SELENOK: variants seen among roughly 807,000 people sequenced by gnomAD.
The protein encoded by SELENOK is selenoprotein K.
A neutral mutation model predicts 17.3 loss-of-function variants in SELENOK; 11 were observed. The observed-to-expected ratio is 0.63, with a 90% CI of 0.40 to 1.05. SELENOK has a LOEUF of 1.05. SELENOK is among the 50% of genes least tolerant of loss of function. SELENOK has a pLI of 0.00. For missense variants in SELENOK, 125 were observed against 113.9 expected, an observed-to-expected ratio of 1.10 and a Z score of -0.44; for synonymous variants, 45 against 35.4, an observed-to-expected ratio of 1.27 and a Z score of -0.97.
rs1395557101 is a variant in SELENOK at position 53,888,386 on chromosome 3, T to C, written c.110+7A>G. On this transcript the variant is annotated splice_region_variant and intron_variant, in intron 2 of 4. Coordinates refer to ENST00000495461, the MANE Select transcript of SELENOK (RefSeq NM_021237.5). Reference sequence around the variant, plus strand: ...ATCAGGGCAATTAAGAGCTCTTCTATACTTACAACAAAACCACAAACTCAG... The same window carrying C: ...ATCAGGGCAATTAAGAGCTCTTCTACACTTACAACAAAACCACAAACTCAG... 1 of 1,588,978 alleles carries C rather than the reference T, an allele frequency of 6.3e-7. No homozygotes were observed. Among genetic ancestry groups the C allele is most frequent in the East Asian group, 2.2e-5 (1 of 44,734 alleles).
At chr3:53,891,516 G>A (rs1025111980) in intron 1 of SELENOK, among the ~76,000 whole-genome samples, 1 of 152,166 alleles carries the variant, frequency 6.6e-6, no homozygotes, top group African/African-American at 2.4e-5. Context: ...AGCGCTTGCT[G>A]CACGAAGGCG....
chr3:53,891,646 G>A, intron 1 of SELENOK, 124 bp downstream of exon 1: 1 of 1,325,950 alleles, frequency 7.5e-7, no homozygotes, highest in Non-Finnish European at 1.1e-6. Flanking sequence ...AGCTCCGCCC[G>A]GCCGCGGGGC....
intron 4 of SELENOK, 66 bp downstream of exon 4, chr3:53,885,760 G>C (rs1347836586): frequency 7.4e-7 from 1 of 1,357,790 alleles, no homozygotes; most frequent in Non-Finnish European, 1.0e-6. Context: ...ACTTCTTAAA[G>C]AAAACATTAC....
At chr3:53,889,897 T>C (rs1700155495) in intron 1 of SELENOK, among the ~76,000 whole-genome samples, 1 of 152,226 alleles carries the variant, frequency 6.6e-6, no homozygotes, top group Admixed American at 6.5e-5. Context: ...TAAGCAAAAC[T>C]GGATCTATTT....
At chr3:53,888,189 A>G (rs1034635615) in intron 2 of SELENOK, 32 of 452,508 alleles carry the variant, frequency 7.1e-5, no homozygotes, top group African/African-American at 5.1e-4. Context: ...TACCAATCCA[A>G]CTAACATATA....
At position 53,884,422 on chromosome 3, in the gene SELENOK, G is replaced by A. The variant is rs1030420851; in HGVS notation, c.*1136C>T. 14 of 152,188 alleles carry A rather than the reference G, an allele frequency of 9.2e-5. No homozygotes were observed. The highest frequency in any genetic ancestry group is 1.8e-4 in the Non-Finnish European group (12 of 67,986). 9.4% of individuals were successfully genotyped at this position (152,188 alleles called of 1,614,324 possible). The stretch of plus-strand genomic sequence containing the variant: ...ACCAGAAGAGGAATTATCTGTTTTC[G>A]TTTTTCCAATAAATATTTATTTCCA... On this transcript the variant is annotated 3_prime_UTR_variant, in exon 5 of 5. Coordinates refer to ENST00000495461, the MANE Select transcript of SELENOK (RefSeq NM_021237.5).
In SELENOK at chr3:53,891,795, C is replaced by T; in HGVS notation, c.-7G>A. 6.2e-7 allele frequency: 1 copy of T among 1,613,988 alleles called. No individual in the cohort carries two copies. The highest frequency in any genetic ancestry group is 8.5e-7 in the Non-Finnish European group (1 of 1,179,834). The stretch of plus-strand genomic sequence containing the variant: ...CGTTCGAGATGTAAACCATCTTGTC[C>T]CACTTCCCCGCTTCGGAGCCACCGG... On this transcript the variant is annotated 5_prime_UTR_variant, in exon 1 of 5. Transcript: ENST00000495461.
rs760313928 is a variant in SELENOK, at chr3:53,885,883, C to T, written c.224G>A (p.Gly75Asp). 10 of 1,558,994 alleles carry T rather than the reference C, an allele frequency of 6.4e-6. No individual in the cohort carries two copies. Among genetic ancestry groups the T allele is most frequent in the Non-Finnish European group, 8.6e-6 (10 of 1,157,784 alleles). The change falls in exon 4 of 5, where the codon GGT (glycine) becomes GAT (aspartate). Residue 75 changes from glycine (G) to aspartate (D), a missense_variant. Physicochemically the swap from Gly to Asp is moderately conservative, Grantham distance 94 (BLOSUM62 -1). Transcript: ENST00000495461. ...AGGGCCACGCAGATGATTGATTCTA[C>T]CCATTCTTCGGGGAGGGTTTCCTGG... ...GPPGNPPRRM[G>D]RINHLRGPSP...
Position 53,891,836 on chromosome 3 carries a change from C to G in SELENOK, c.-48G>C, listed in dbSNP as rs370630249. On this transcript the variant is annotated 5_prime_UTR_variant, in exon 1 of 5. Coordinates refer to ENST00000495461, the MANE Select transcript of SELENOK (RefSeq NM_021237.5). Reference sequence around the variant, plus strand: ...GAGCCACCGGGCGCCTGGCCCCTGTCGGTTTCTGTATCTCCCTCTGCTCCC... The same window carrying G: ...GAGCCACCGGGCGCCTGGCCCCTGTGGGTTTCTGTATCTCCCTCTGCTCCC... 6.8e-6 allele frequency: 11 copies of G among 1,609,832 alleles called. No individual in the cohort carries two copies. Among genetic ancestry groups the G allele is most frequent in the Admixed American group, 1.7e-5 (1 of 59,988 alleles).
chr3:53,886,889 A>G lies in SELENOK; in HGVS notation c.156T>C (p.Tyr52=). The G allele has an allele frequency of 6.4e-7, 1 of 1,573,396 alleles. No individual in the cohort carries two copies. The change falls in exon 3 of 5, where the codon TAT becomes TAC. Residue 52 remains tyrosine, a synonymous_variant. Transcript: ENST00000495461. ...LQQDVKKRRS[Y]GNSSDSRYDD... is the part of the protein sequence containing the mutation. The stretch of plus-strand genomic sequence containing the variant: ...CATATCTGGAATCAGATGAGTTTCC[A>G]TAGCTTCTTCTTTTTTTCACATCTT...
At chr3:53,888,612 A>C in intron 1 of SELENOK, 129 bp from the exon 2 acceptor site, 1 of 704,830 alleles carries the variant, frequency 1.4e-6, no homozygotes, top group South Asian at 1.6e-5. Context: ...GGCCAACACC[A>C]GAAGAAATCT....
At chr3:53,890,592 A>T (rs1434053660) in intron 1 of SELENOK, among the ~76,000 whole-genome samples, 1 of 152,260 alleles carries the variant, frequency 6.6e-6, no homozygotes, top group African/African-American at 2.4e-5. Flanking sequence ...GAATTATTCA[A>T]TAATTCATAC....
intron 1 of SELENOK, chr3:53,890,875 T>C (rs954384012): frequency 6.6e-6 from 1 of 152,208 alleles, no homozygotes; most frequent in Non-Finnish European, 1.5e-5. Flanking sequence ...AACCAAGACC[T>C]AGTTCCAATG....
Position 53,885,818 on chromosome 3 carries a change from G to A in SELENOK, c.281+8C>T, listed in dbSNP as rs981945779. The A allele has an allele frequency of 2.6e-5, 41 of 1,572,906 alleles. No individual in the cohort carries two copies. The highest frequency in any genetic ancestry group is 3.3e-5 in the Non-Finnish European group (38 of 1,155,718). The stretch of plus-strand genomic sequence containing the variant: ...AATCCTACAAAAGAATTTCAGATCT[G>A]AAGTTACCTTCCTCATCCACCAGCC... On this transcript the variant is annotated splice_region_variant and intron_variant, in intron 4 of 4. Transcript: ENST00000495461.
intron 1 of SELENOK, among the ~76,000 whole-genome samples, chr3:53,891,396 C>A (rs1187668238): frequency 2.6e-5 from 4 of 152,248 alleles, no homozygotes; most frequent in Non-Finnish European, 5.9e-5. Flanking sequence ...AACTGAAACA[C>A]TGTCCAGGGC....
At chr3:53,890,269 A>G (rs1700157903) in intron 1 of SELENOK, among the ~76,000 whole-genome samples, 3 of 152,162 alleles carry the variant, frequency 2.0e-5, no homozygotes, top group African/African-American at 4.8e-5. Context: ...AGGGCTAGCC[A>G]TCACATAAGA....
At chr3:53,891,695 C>A in intron 1 of SELENOK, 75 bp downstream of exon 1, 2 of 1,581,164 alleles carry the variant, frequency 1.3e-6, no homozygotes, top group Non-Finnish European at 8.7e-7. Context: ...CAAGACTCAG[C>A]GAGCGACGAT....
At chr3:53,889,014 G>A (rs761332272) in intron 1 of SELENOK, among the ~76,000 whole-genome samples, 59 of 151,544 alleles carry the variant, frequency 3.9e-4, no homozygotes, top group Non-Finnish European at 4.3e-4. Context: ...CCCAGATGGC[G>A]CCACTGCACT....
intron 1 of SELENOK, 121 bp from the exon 2 acceptor site, chr3:53,888,604 C>T: frequency 1.4e-6 from 1 of 720,610 alleles, no homozygotes; most frequent in Non-Finnish European, 2.4e-6. Context: ...TTCCAAATGG[C>T]CAACACCAGA....
Sources: allele counts gnomAD v4.1 joint callset (sites outside exome capture counted in the v4.1 genomes callset), GRCh38; gene constraint gnomAD v4.1.1; transcripts MANE v1.5; gene names NCBI Gene and HGNC (gene_info 2026-07-23, HGNC 2026-07-21).